Variants in FBXL2 observed in about 807,000 individuals in gnomAD.
FBXL2 encodes the protein F-box and leucine rich repeat protein 2.
FBXL2 carries 38 observed loss-of-function variants against 69.2 expected under a neutral mutation model. The ratio of observed to expected loss-of-function variants is 0.55; its 90% CI spans 0.42 to 0.72. The LOEUF is 0.72. Among genes scored for constraint, FBXL2 ranks in the 30% least tolerant of loss-of-function variants. The pLI is 0.00. For synonymous variants in FBXL2, 192 were observed against 201.3 expected, an observed-to-expected ratio of 0.95 and a Z score of 0.39; for missense variants, 354 against 520.3, an observed-to-expected ratio of 0.68 and a Z score of 3.11.
At chr3:33,323,600 G>C (rs2038419436) in intron 2 of FBXL2, among the ~76,000 whole-genome samples, 1 of 152,088 alleles carries the variant, frequency 6.6e-6, no homozygotes, top group Non-Finnish European at 1.5e-5. Flanking sequence ...AAGAATAATG[G>C]TTTCCAGCTT....
At chr3:33,402,891 G>T in intron 12 of FBXL2, 1 of 1,609,392 alleles carries the variant, frequency 6.2e-7, no homozygotes, top group Non-Finnish European at 8.5e-7. Flanking sequence ...GGGGGCATCG[G>T]GCCACGGAGA....
At chr3:33,305,161 C>T (rs1238230693) in intron 2 of FBXL2, among the ~76,000 whole-genome samples, 6 of 151,708 alleles carry the variant, frequency 4.0e-5, no homozygotes, top group African/African-American at 1.2e-4. Context: ...TTATGCTTAG[C>T]GTTTTTTGTG....
chr3:33,302,456 G>A (rs1426291589), intron 2 of FBXL2, among the ~76,000 whole-genome samples: 1 of 152,076 alleles, frequency 6.6e-6, no homozygotes, highest in African/African-American at 2.4e-5. Context: ...CTAAAACTCA[G>A]ATTATAAATT....
At chr3:33,282,613 A>G (rs1201295328) in intron 1 of FBXL2, among the ~76,000 whole-genome samples, 1 of 152,204 alleles carries the variant, frequency 6.6e-6, no homozygotes, top group Non-Finnish European at 1.5e-5. Flanking sequence ...TGGGGATGGC[A>G]TTGAATCTGT....
intron 2 of FBXL2, among the ~76,000 whole-genome samples, chr3:33,305,885 A>G (rs1304109088): frequency 6.6e-6 from 1 of 151,558 alleles, no homozygotes; most frequent in Non-Finnish European, 1.5e-5. Context: ...TTGTAATGTT[A>G]CTTTCTTCCT....
At chr3:33,353,401 G>A (rs954887072) in intron 2 of FBXL2, among the ~76,000 whole-genome samples, 1 of 152,198 alleles carries the variant, frequency 6.6e-6, no homozygotes, top group Non-Finnish European at 1.5e-5. Flanking sequence ...ATAGGCGAAT[G>A]GATAAACAAA....
intron 1 of FBXL2, among the ~76,000 whole-genome samples, chr3:33,278,604 G>C (rs1346312353): frequency 6.6e-6 from 1 of 152,136 alleles, no homozygotes; most frequent in Non-Finnish European, 1.5e-5. Context: ...AATAACCAAG[G>C]AGAGGGATGG....
intron 1 of FBXL2, among the ~76,000 whole-genome samples, chr3:33,293,006 C>T (rs2035392902): frequency 6.6e-6 from 1 of 152,120 alleles, no homozygotes; most frequent in Non-Finnish European, 1.5e-5. Context: ...GTGACAAATG[C>T]AGGGAGAATT....
At chr3:33,363,627 G>A (rs577317891) in intron 4 of FBXL2, among the ~76,000 whole-genome samples, 1 of 152,286 alleles carries the variant, frequency 6.6e-6, no homozygotes, top group Non-Finnish European at 1.5e-5. Context: ...TAATAGTCGT[G>A]CTTGGATTGG....
chr3:33,381,463 G>A lies in FBXL2; in HGVS notation c.952-2526G>A, dbSNP rs187613296. Among the ~76,000 whole-genome samples the A allele has an allele frequency of 5.1e-4, 78 of 152,168 alleles. 1 individual carries two copies. The East Asian group carries it at 0.014, about 28-fold the overall frequency. ...AGTTCGAGACCAGCCTGACCAACAT[G>A]GAGAAACCCCGCCTCTACTAAAAAT... On this transcript the variant is annotated intron_variant, in intron 13 of 14. Transcript: ENST00000484457.
chr3:33,417,362 T>TA, the FBXL2 span, among the ~76,000 whole-genome samples: 71 of 151,558 alleles, frequency 4.7e-4, no homozygotes, highest in African/African-American at 1.7e-3. Context: ...CCACTCTGGA[T>TA]ACTTTCATAA....
At chr3:33,354,402 T>A (rs2041051357) in intron 2 of FBXL2, among the ~76,000 whole-genome samples, 1 of 151,512 alleles carries the variant, frequency 6.6e-6, no homozygotes, top group African/African-American at 2.4e-5. Flanking sequence ...TAATCCCAGC[T>A]ACTCAGGAGG....
intron 2 of FBXL2, among the ~76,000 whole-genome samples, chr3:33,348,677 A>G (rs898946228): frequency 6.6e-6 from 1 of 152,022 alleles, no homozygotes; most frequent in Admixed American, 6.6e-5. Context: ...AGATCGCACC[A>G]CTGCACTTCA....
intron 2 of FBXL2, among the ~76,000 whole-genome samples, chr3:33,334,801 C>A (rs963383743): frequency 3.3e-5 from 5 of 152,004 alleles, no homozygotes; most frequent in African/African-American, 1.2e-4. Context: ...TGGGGGGAGG[C>A]TGGGTGCAGT....
downstream of FBXL2, chr3:33,390,547 T>A: frequency 1.5e-6 from 1 of 651,570 alleles, no homozygotes; most frequent in Non-Finnish European, 2.7e-6. Flanking sequence ...AAACTTCATG[T>A]ACACATTCCC....
the FBXL2 span, chr3:33,411,683 A>G: frequency 6.2e-7 from 1 of 1,612,756 alleles, no homozygotes. Context: ...CAGACATTGG[A>G]ATATCTATGT....
At chr3:33,397,817 G>C (rs2044066284) in intron 12 of FBXL2, 1 of 151,998 alleles carries the variant, frequency 6.6e-6, no homozygotes, top group Non-Finnish European at 1.5e-5. Context: ...GCACCACCTA[G>C]AGAAGCAGTG....
At chr3:33,372,265 T>A (rs573285783) in intron 5 of FBXL2, 1 of 152,358 alleles carries the variant, frequency 6.6e-6, no homozygotes, top group African/African-American at 2.4e-5. Context: ...TCCACAGATC[T>A]CTGGAGTTCT....
At chr3:33,342,708 C>CTTT (rs1559572672) in intron 2 of FBXL2, among the ~76,000 whole-genome samples, 5 of 74,298 alleles carry the variant, frequency 6.7e-5, no homozygotes, top group Admixed American at 1.8e-4. Context: ...ACAAATATAA[C>CTTT]TTCTTTTTTT....
Sources: allele counts gnomAD v4.1 joint callset (sites outside exome capture counted in the v4.1 genomes callset), GRCh38; gene constraint gnomAD v4.1.1; transcripts MANE v1.5; gene names NCBI Gene and HGNC (gene_info 2026-07-23, HGNC 2026-07-21).